ATP6V1G1: variants seen among roughly 807,000 people sequenced by gnomAD.
ATP6V1G1 encodes ATPase H+ transporting V1 subunit G1.
In ATP6V1G1, 14 loss-of-function variants were observed where a neutral mutation model predicts 14.2. The ratio of observed to expected loss-of-function variants is 0.99; its 90% CI spans 0.65 to 1.55. The LOEUF (loss-of-function observed/expected upper bound fraction) is 1.55, where lower values mean the gene tolerates loss of function less well. ATP6V1G1 is among the 40% of genes most tolerant of loss of function. The pLI is 0.00. For missense variants in ATP6V1G1, 137 were observed against 146.4 expected, an observed-to-expected ratio of 0.94 and a Z score of 0.33; for synonymous variants, 65 against 53.3, an observed-to-expected ratio of 1.22 and a Z score of -0.96.
chr9:114,595,802 A>G lies in ATP6V1G1; in HGVS notation c.184-1768A>G, dbSNP rs74584199. ...CTTCGGGAAAAAAAAATGGAGTGAT[A>G]GCCTCCTTATAGGTCGTTGTGAGGA... On this transcript the variant is annotated intron_variant, in intron 2 of 2. Coordinates refer to ENST00000374050, the MANE Select transcript of ATP6V1G1 (RefSeq NM_004888.4). Among the ~76,000 whole-genome samples, 480 of 152,222 alleles carry G rather than the reference A, an allele frequency of 3.2e-3. 3 individuals carry two copies. Among genetic ancestry groups the G allele is most frequent in the African/African-American group, 0.011 (462 of 41,512 alleles).
intron 1 of ATP6V1G1, among the ~76,000 whole-genome samples, chr9:114,590,310 A>G (rs1273950613): frequency 1.4e-5 from 2 of 147,406 alleles, no homozygotes; most frequent in African/African-American, 5.0e-5. Flanking sequence ...CTCAGGCTAG[A>G]GTGCAGTGGC....
intron 1 of ATP6V1G1, among the ~76,000 whole-genome samples, chr9:114,590,211 A>AC (rs1845169510): frequency 6.6e-6 from 1 of 151,460 alleles, no homozygotes; most frequent in East Asian, 1.9e-4. Context: ...AAAAAAAAAA[A>AC]AACAAAAAAC....
At chr9:114,588,781 C>G (rs551172772) in intron 1 of ATP6V1G1, among the ~76,000 whole-genome samples, 1 of 152,148 alleles carries the variant, frequency 6.6e-6, no homozygotes, top group East Asian at 1.9e-4. Context: ...TCTCTGCAAT[C>G]AGTCATCCTT....
intron 1 of ATP6V1G1, among the ~76,000 whole-genome samples, chr9:114,590,533 G>A (rs981008045): frequency 3.9e-5 from 6 of 151,970 alleles, no homozygotes; most frequent in South Asian, 4.2e-4. Context: ...TCAAACTCTC[G>A]GCCTCCCAAA....
At chr9:114,588,510 AGTGTGTGTGTGTGT>A (rs66783144) in intron 1 of ATP6V1G1, among the ~76,000 whole-genome samples, 2 of 147,086 alleles carry the variant, frequency 1.4e-5, no homozygotes, top group East Asian at 2.0e-4. Flanking sequence ...TGGCAAGCGC[AGTGTGTGTGTGTGT>A]GTGTGTGTGT....
Position 114,589,304 on chromosome 9 carries a change from C to G in ATP6V1G1, c.82+1384C>G, listed in dbSNP as rs374780837. On this transcript the variant is annotated intron_variant, in intron 1 of 2. Transcript: ENST00000374050. Reference sequence around the variant, plus strand: ...TCATTTAACTTTATGTATCCAGTTTCCCGTCTGGTGAGAAAGATGCTTCTA... The same window carrying G: ...TCATTTAACTTTATGTATCCAGTTTGCCGTCTGGTGAGAAAGATGCTTCTA... Among the ~76,000 whole-genome samples the G allele has an allele frequency of 7.9e-5, 12 of 152,252 alleles. No individual in the cohort carries two copies. In the East Asian group the frequency reaches 1.2e-3, roughly 15 times the overall value.
chr9:114,593,708 TG>T (rs1845206829), intron 2 of ATP6V1G1, among the ~76,000 whole-genome samples: 1 of 152,004 alleles, frequency 6.6e-6, no homozygotes, highest in Admixed American at 6.6e-5. Context: ...TGTGTTGCCT[TG>T]GCTGGTCTCG....
chr9:114,589,070 C>T (rs1338683429), intron 1 of ATP6V1G1, among the ~76,000 whole-genome samples: 1 of 152,144 alleles, frequency 6.6e-6, no homozygotes, highest in Non-Finnish European at 1.5e-5. Flanking sequence ...TCCAATTCTC[C>T]TCCCCTTTGT....
At chr9:114,588,986 C>G (rs560188338) in intron 1 of ATP6V1G1, among the ~76,000 whole-genome samples, 1 of 152,154 alleles carries the variant, frequency 6.6e-6, no homozygotes, top group Non-Finnish European at 1.5e-5. Context: ...TCGTTGTGGT[C>G]CCTCAGAAGC....
chr9:114,598,004 G>A lies in ATP6V1G1; in HGVS notation c.*261G>A, dbSNP rs568492926. On this transcript the variant is annotated 3_prime_UTR_variant, in exon 3 of 3. Coordinates refer to ENST00000374050, the MANE Select transcript of ATP6V1G1 (RefSeq NM_004888.4). Reference sequence around the variant, plus strand: ...TTGTCTTTTTTTCCTATGTCTTTTGGCTCAAGCAACATGTATATCAGTGTT... The same window carrying A: ...TTGTCTTTTTTTCCTATGTCTTTTGACTCAAGCAACATGTATATCAGTGTT... 16 of 231,926 alleles carry A rather than the reference G, an allele frequency of 6.9e-5. No homozygotes were observed. In the South Asian group the frequency reaches 2.9e-3, roughly 42 times the overall value. 14.4% of individuals were successfully genotyped at this position (231,926 alleles called of 1,614,324 possible).
At position 114,597,674 on chromosome 9, in the gene ATP6V1G1, G is replaced by A; in HGVS notation, c.288G>A (p.Leu96=). 8 of 1,595,546 alleles carry A rather than the reference G, an allele frequency of 5.0e-6. No homozygotes were observed. The highest frequency in any genetic ancestry group is 6.8e-6 in the Non-Finnish European group (8 of 1,173,058). Residue 96 remains leucine, a synonymous_variant, in exon 3 of 3, where the codon TTG becomes TTA. Transcript: ENST00000374050. ...TYFRQNRDEV[L]DNLLAFVCDI... Reference sequence around the variant, plus strand: ...TCCGGCAGAACAGGGATGAAGTCTTGGACAACCTCTTGGCTTTTGTCTGTG... The same window carrying A: ...TCCGGCAGAACAGGGATGAAGTCTTAGACAACCTCTTGGCTTTTGTCTGTG...
In ATP6V1G1 at chr9:114,594,088, A is replaced by G. The variant is rs538238417; in HGVS notation, c.183+1436A>G. ...TCATTTTTTTTTTTTTTTTTCTGAG[A>G]CGGGGAGTTTTGCTCTTGTTGCCCA... On this transcript the variant is annotated intron_variant, in intron 2 of 2. Transcript: ENST00000374050. Among the ~76,000 whole-genome samples the G allele has an allele frequency of 3.8e-4, 54 of 140,700 alleles. No individual in the cohort carries two copies. The Middle Eastern group carries it at 0.014, about 36-fold the overall frequency. 92.3% of individuals were successfully genotyped at this position (140,700 alleles called of 152,430 possible). A position where few individuals can be genotyped will look rare whatever the true frequency, so the allele number is the denominator to read the frequency against.
intron 1 of ATP6V1G1, among the ~76,000 whole-genome samples, chr9:114,589,291 A>G (rs928767289): frequency 6.6e-6 from 1 of 152,114 alleles, no homozygotes; most frequent in Non-Finnish European, 1.5e-5. Flanking sequence ...ATTTAACTTT[A>G]TGTATCCAGT....
chr9:114,590,848 G>A (rs900722431), intron 1 of ATP6V1G1, among the ~76,000 whole-genome samples: 3 of 151,994 alleles, frequency 2.0e-5, no homozygotes, highest in Non-Finnish European at 4.4e-5. Context: ...CAGGCAGGAG[G>A]GCAGTGGCGT....
At position 114,587,789 on chromosome 9, in the gene ATP6V1G1, C is replaced by T. The variant is rs998571926; in HGVS notation, c.-50C>T. 2 of 1,541,850 alleles carry T rather than the reference C, an allele frequency of 1.3e-6. No homozygotes were observed. Among genetic ancestry groups the T allele is most frequent in the Non-Finnish European group, 1.8e-6 (2 of 1,138,322 alleles). ...CGGCTGTGTCAGCTGACCCAAGGGG[C>T]CTTCGAGGTGCCTTAGGCCGCTTGC... On this transcript the variant is annotated 5_prime_UTR_variant, in exon 1 of 3. Coordinates refer to ENST00000374050, the MANE Select transcript of ATP6V1G1 (RefSeq NM_004888.4).
In ATP6V1G1 at chr9:114,597,990, TC is replaced by T. The variant is rs1845258463; in HGVS notation, c.*249del. On this transcript the variant is annotated 3_prime_UTR_variant, in exon 3 of 3. Transcript: ENST00000374050. ...TTAATGGTTATATGTTGTCTTTTTT[TC>T]CTATGTCTTTTGGCTCAAGCAACAT... 2 of 267,506 alleles carry T rather than the reference TC, an allele frequency of 7.5e-6. No individual in the cohort carries two copies. Among genetic ancestry groups the T allele is most frequent in the Admixed American group, 5.4e-5 (1 of 18,536 alleles). 16.6% of individuals were successfully genotyped at this position (267,506 alleles called of 1,614,324 possible).
intron 1 of ATP6V1G1, among the ~76,000 whole-genome samples, chr9:114,590,758 A>AT (rs963175214): frequency 8.6e-5 from 13 of 151,072 alleles, no homozygotes; most frequent in Non-Finnish European, 1.8e-4. Context: ...TGGACCTTAA[A>AT]TTTTTTTTAT....
chr9:114,592,537 C>T lies in ATP6V1G1; in HGVS notation c.83-15C>T, dbSNP rs756109590. On this transcript the variant is annotated splice_polypyrimidine_tract_variant and intron_variant, in intron 1 of 2. Transcript: ENST00000374050. ...TTTAACCACTTCCTGATATAGCTCTCTCCTTTGAAAACAGGAAAGAACCGG... is the reference window on the plus strand; with the variant it reads ...TTTAACCACTTCCTGATATAGCTCTTTCCTTTGAAAACAGGAAAGAACCGG... 4.5e-6 allele frequency: 7 copies of T among 1,554,366 alleles called. No individual in the cohort carries two copies. In the African/African-American group the frequency reaches 5.5e-5, roughly 12 times the overall value.
rs996861488 is a variant in ATP6V1G1, at chr9:114,598,617, G to T, written c.*874G>T. ...ACAGCAAGCAACTAGTCTGTAGGTT[G>T]TCTTTTCTCTAGAGATCCTTGTCCT... On this transcript the variant is annotated 3_prime_UTR_variant, in exon 3 of 3. Transcript: ENST00000374050. Among the ~76,000 whole-genome samples the T allele has an allele frequency of 6.6e-6, 1 of 152,172 alleles. No individual in the cohort carries two copies. Among genetic ancestry groups the T allele is most frequent in the Non-Finnish European group, 1.5e-5 (1 of 68,026 alleles).
Sources: allele counts gnomAD v4.1 joint callset (sites outside exome capture counted in the v4.1 genomes callset), GRCh38; gene constraint gnomAD v4.1.1; transcripts MANE v1.5; gene names NCBI Gene and HGNC (gene_info 2026-07-23, HGNC 2026-07-21).